Variants in CHST15 observed in about 807,000 individuals in gnomAD.
CHST15 encodes carbohydrate sulfotransferase 15.
CHST15 carries 30 observed loss-of-function variants against 53.6 expected under a neutral mutation model. The observed-to-expected ratio is 0.56, with a 90% confidence interval of 0.42 to 0.76. CHST15 has a LOEUF of 0.76. Among genes scored for constraint, CHST15 ranks in the 30% least tolerant of loss-of-function variants. The pLI is 0.00. For missense variants in CHST15, 627 were observed against 740.5 expected (o/e 0.85, Z 1.78); for synonymous variants, 296 against 289.8 (o/e 1.02, Z -0.22).
chr10:124,081,152 AAG>A (rs1396452303), intron 1 of CHST15, among the ~76,000 whole-genome samples: 2 of 152,230 alleles, frequency 1.3e-5, no homozygotes, highest in Non-Finnish European at 2.9e-5. Flanking sequence ...ATGAAACTCA[AAG>A]ACAGTCACAA....
In CHST15 at chr10:124,024,057, C is replaced by A. The variant is rs559050059; in HGVS notation, c.1191-2645G>T. Reference sequence around the variant, plus strand: ...ACAGGGTTTCACTGTGTTGGCCAGGCTGGTCTCGAACTCCAGACCTCAGGT... The same window carrying A: ...ACAGGGTTTCACTGTGTTGGCCAGGATGGTCTCGAACTCCAGACCTCAGGT... On this transcript the variant is annotated intron_variant, in intron 5 of 7. Transcript: ENST00000435907. This position sits in a 1 kb window ranked among gnomAD's most constrained non-coding sequence, Gnocchi z 4.0. Among the ~76,000 whole-genome samples, 1 of 152,250 alleles carries A rather than the reference C, an allele frequency of 6.6e-6. No individual in the cohort carries two copies. The highest frequency in any genetic ancestry group is 1.9e-4 in the East Asian group (1 of 5,178).
Position 124,046,328 on chromosome 10 carries a change from A to G in CHST15, c.-116T>C, listed in dbSNP as rs1387568559. ...TAAGAATGCCTTGTGATCACAGAAGATGGATGGAAAGCACAAATACAAAAA... is the reference window on the plus strand; with the variant it reads ...TAAGAATGCCTTGTGATCACAGAAGGTGGATGGAAAGCACAAATACAAAAA... On this transcript the variant is annotated 5_prime_UTR_variant, in exon 2 of 8. Transcript: ENST00000435907. The G allele has an allele frequency of 7.5e-6, 7 of 934,442 alleles. No homozygotes were observed. Among genetic ancestry groups the G allele is most frequent in the East Asian group, 2.6e-5 (1 of 38,608 alleles). The allele number at this position is 934,442 out of a possible 1,614,324, so 57.9% of individuals were successfully genotyped here.
intron 7 of CHST15, chr10:124,010,885 C>A: frequency 1.0e-6 from 1 of 985,442 alleles, no homozygotes; most frequent in East Asian, 1.1e-4. Context: ...GCCCAGAGCC[C>A]CCACTGGCTG....
At chr10:124,035,142 C>CCCCCTAACAGGGACCCCGGCTCCG (rs1947421584) in intron 5 of CHST15, among the ~76,000 whole-genome samples, 1 of 133,600 alleles carries the variant, frequency 7.5e-6, no homozygotes, top group Non-Finnish European at 1.6e-5. Flanking sequence ...CCCGGCTCCG[C>CCCCCTAACAGGGACCCCGGCTCCG]CCCCTAACGG....
chr10:124,092,445 G>C (rs1387335071), intron 1 of CHST15: 1 of 152,282 alleles, frequency 6.6e-6, no homozygotes, highest in Non-Finnish European at 1.5e-5. Flanking sequence ...GCGGGGCGCA[G>C]GGAGGGGACA....
chr10:124,046,274 G>A lies in CHST15; in HGVS notation c.-62C>T. 1 of 1,477,402 alleles carries A rather than the reference G, an allele frequency of 6.8e-7. No individual in the cohort carries two copies. The highest frequency in any genetic ancestry group is 2.3e-5 in the East Asian group (1 of 43,856). The allele number at this position is 1,477,402 out of a possible 1,614,324, so 91.5% of individuals were successfully genotyped here. ...CCATGGGTGGGCCCCCCACGAGTCTGGATGTCCGCAAGTCGTGCTAGAAAA... is the reference window on the plus strand; with the variant it reads ...CCATGGGTGGGCCCCCCACGAGTCTAGATGTCCGCAAGTCGTGCTAGAAAA... On this transcript the variant is annotated 5_prime_UTR_variant, in exon 2 of 8. Coordinates refer to ENST00000435907, the MANE Select transcript of CHST15 (RefSeq NM_001270764.2).
intron 1 of CHST15, among the ~76,000 whole-genome samples, chr10:124,053,285 A>T (rs533080348): frequency 1.3e-5 from 2 of 152,258 alleles, no homozygotes; most frequent in East Asian, 3.9e-4. Flanking sequence ...CAGCAGAATG[A>T]GGCAGAAGTG....
At chr10:124,092,722 G>T (rs913667729) in intron 1 of CHST15, among the ~76,000 whole-genome samples, 1 of 152,170 alleles carries the variant, frequency 6.6e-6, no homozygotes, top group Admixed American at 6.5e-5. Flanking sequence ...GCCCCGGGCC[G>T]CGCCTGGAAA....
intron 7 of CHST15, 96 bp downstream of exon 7, chr10:124,012,237 C>T (rs1946436244): frequency 7.0e-7 from 1 of 1,433,220 alleles, no homozygotes; most frequent in Non-Finnish European, 9.5e-7. Flanking sequence ...CCCATTCCCA[C>T]CCAGCTGACC....
At chr10:124,020,599 C>A (rs1946742402) in intron 6 of CHST15, 1 of 986,920 alleles carries the variant, frequency 1.0e-6, no homozygotes, top group African/African-American at 1.7e-5. Context: ...CAGAGCAAGG[C>A]TTGTAAAGCC....
chr10:124,071,617 T>G (rs546967297), intron 1 of CHST15, among the ~76,000 whole-genome samples: 1 of 152,344 alleles, frequency 6.6e-6, no homozygotes, highest in South Asian at 2.1e-4. Flanking sequence ...ATTAAAAATT[T>G]GCATTTTTTT....
intron 5 of CHST15, among the ~76,000 whole-genome samples, chr10:124,037,139 A>G (rs879439162): frequency 7.2e-5 from 11 of 152,164 alleles, no homozygotes; most frequent in Non-Finnish European, 1.5e-4. Context: ...AGGGTGGGTG[A>G]GGGTCTACCC....
chr10:124,018,011 C>T (rs1946645290), intron 6 of CHST15, among the ~76,000 whole-genome samples: 2 of 152,250 alleles, frequency 1.3e-5, no homozygotes, highest in Admixed American at 6.5e-5. Flanking sequence ...CAATGCCTTC[C>T]TCCTCCTCAT....
chr10:124,058,080 TTTA>T (rs372344929), intron 1 of CHST15, among the ~76,000 whole-genome samples: 7 of 152,338 alleles, frequency 4.6e-5, no homozygotes, highest in African/African-American at 1.7e-4. Flanking sequence ...GAGTGCTCAT[TTTA>T]TTATTTCCAG....
intron 6 of CHST15, chr10:124,020,861 T>C (rs928789212): frequency 2.3e-4 from 285 of 1,253,652 alleles, no homozygotes; most frequent in Admixed American, 4.2e-4. Flanking sequence ...TTGAAAATCA[T>C]TGATGGGTAG....
chr10:124,010,011 A>G lies in CHST15; in HGVS notation c.*138T>C, dbSNP rs1426383024. On this transcript the variant is annotated 3_prime_UTR_variant, in exon 8 of 8. Transcript: ENST00000435907. The stretch of plus-strand genomic sequence containing the variant: ...TCACGAAGGAAATTCCAAAATGGTT[A>G]TAATTCATGTGTGCCTAGAGTGGCA... 18 of 1,515,290 alleles carry G rather than the reference A, an allele frequency of 1.2e-5. No homozygotes were observed. Among genetic ancestry groups the G allele is most frequent in the Non-Finnish European group, 1.6e-5 (18 of 1,136,424 alleles). The allele number at this position is 1,515,290 out of a possible 1,614,324, so 93.9% of individuals were successfully genotyped here.
Position 124,044,863 on chromosome 10 carries a change from G to A in CHST15, c.603C>T (p.Tyr201=), listed in dbSNP as rs535176479. 3.4e-6 allele frequency: 5 copies of A among 1,489,238 alleles called. No homozygotes were observed. In the East Asian group the frequency reaches 1.0e-4, roughly 30 times the overall value. 92.3% of individuals were successfully genotyped at this position (1,489,238 alleles called of 1,614,324 possible). A position where few individuals can be genotyped will look rare whatever the true frequency, so the allele number is the denominator to read the frequency against. ...FLPNSKSPCW[Y]EEFSGQNTTD... is the part of the protein sequence containing the mutation. Reference sequence around the variant, plus strand: ...TGGTGTTCTGCCCCGAGAACTCCTCGTACCAACAGGGGCTCTTACTGTTTG... The same window carrying A: ...TGGTGTTCTGCCCCGAGAACTCCTCATACCAACAGGGGCTCTTACTGTTTG... The change falls in exon 3 of 8, where the codon TAC becomes TAT. Residue 201 remains tyrosine (Y), a synonymous_variant. Coordinates refer to ENST00000435907, the MANE Select transcript of CHST15 (RefSeq NM_001270764.2).
intron 1 of CHST15, among the ~76,000 whole-genome samples, chr10:124,087,958 GAGT>G (rs1454555712): frequency 6.6e-6 from 1 of 152,266 alleles, no homozygotes; most frequent in Non-Finnish European, 1.5e-5. Flanking sequence ...AGAGTCCAGA[GAGT>G]GAAGCCACCA....
chr10:124,052,849 C>T (rs1321657635), intron 1 of CHST15, among the ~76,000 whole-genome samples: 1 of 152,150 alleles, frequency 6.6e-6, no homozygotes, highest in Non-Finnish European at 1.5e-5. Flanking sequence ...GCCTGACCAA[C>T]ATGATGAAAC....
Sources: allele counts gnomAD v4.1 joint callset (sites outside exome capture counted in the v4.1 genomes callset), GRCh38; gene constraint gnomAD v4.1.1; non-coding constraint Gnocchi (gnomAD v3.1); transcripts MANE v1.5; gene names NCBI Gene and HGNC (gene_info 2026-07-23, HGNC 2026-07-21).